Variants in DMAP1 observed in about 807,000 individuals in gnomAD.
DMAP1 encodes the protein DNA methyltransferase 1-associated protein 1.
Under a neutral mutation model 52.7 loss-of-function variants are expected in DMAP1, and 26 were observed. That is an observed-to-expected ratio of 0.49 (90% CI 0.36 to 0.68). The LOEUF (loss-of-function observed/expected upper bound fraction) is 0.68, where lower values mean the gene tolerates loss of function less well. Ranked by LOEUF, DMAP1 falls within the 30% of genes least tolerant of loss-of-function variation. The pLI, the probability that DMAP1 is intolerant of heterozygous loss-of-function variation, is 0.00. For missense variants in DMAP1, 439 were observed against 625.2 expected (o/e 0.70, Z 3.18); for synonymous variants, 231 against 246.0 (o/e 0.94, Z 0.57).
At position 44,218,290 on chromosome 1, in the gene DMAP1, T is replaced by C; in HGVS notation, c.394-21T>C. ...TGACATCATGCGGGCATGCCCCTAC[T>C]GTGTCCCTCTGTGCTAGTAGACTGT... On this transcript the variant is annotated intron_variant, in intron 3 of 9. Coordinates refer to ENST00000372289, the MANE Select transcript of DMAP1 (RefSeq NM_019100.5). The surrounding 1 kb of genome is among the most constrained non-coding windows in gnomAD (Gnocchi z 5.6). 1 of 1,614,246 alleles carries C rather than the reference T, an allele frequency of 6.2e-7. No individual in the cohort carries two copies. Among genetic ancestry groups the C allele is most frequent in the Non-Finnish European group, 8.5e-7 (1 of 1,180,034 alleles).
chr1:44,218,519 C>T lies in DMAP1; in HGVS notation c.552+50C>T, dbSNP rs755464308. The T allele has an allele frequency of 5.0e-6, 8 of 1,609,534 alleles. No individual in the cohort carries two copies. In the Admixed American group the frequency reaches 1.3e-4, roughly 27 times the overall value. The stretch of plus-strand genomic sequence containing the variant: ...GTGCCCAGCTTCTGGGTCTAGCAGG[C>T]CCTACTTTTATGCCATCTCTTCCAC... On this transcript the variant is annotated intron_variant, in intron 4 of 9. Coordinates refer to ENST00000372289, the MANE Select transcript of DMAP1 (RefSeq NM_019100.5). This position sits in a 1 kb window ranked among gnomAD's most constrained non-coding sequence, Gnocchi z 5.6.
At chr1:44,215,092 T>G in intron 3 of DMAP1, 194 bp downstream of exon 3, 1 of 716,360 alleles carries the variant, frequency 1.4e-6, no homozygotes, top group Non-Finnish European at 2.5e-6. Context: ...TCCTGTTCTT[T>G]CCCGGACCTG....
chr1:44,215,095 C>T (rs573121580), intron 3 of DMAP1, 197 bp downstream of exon 3: 30 of 710,684 alleles, frequency 4.2e-5, no homozygotes, highest in East Asian at 3.6e-4. Context: ...TGTTCTTTCC[C>T]GGACCTGCTC....
At position 44,219,493 on chromosome 1, in the gene DMAP1, C is replaced by T; in HGVS notation, c.978+16C>T. On this transcript the variant is annotated intron_variant, in intron 7 of 9. Transcript: ENST00000372289. ...GAGCCAACGGGTACGTGAGTCACCT[C>T]CTTTAGCAAGTTTGGGTCCTGGGCT... 1 of 1,557,162 alleles carries T rather than the reference C, an allele frequency of 6.4e-7. No individual in the cohort carries two copies. Among genetic ancestry groups the T allele is most frequent in the Non-Finnish European group, 8.6e-7 (1 of 1,157,540 alleles).
rs779841090 is a variant in DMAP1, at chr1:44,219,802, G to A, written c.979-4G>A. 3 of 1,613,954 alleles carry A rather than the reference G, an allele frequency of 1.9e-6. No individual in the cohort carries two copies. The Admixed American group carries it at 5.0e-5, about 27-fold the overall frequency. ...CAGGCTTAGCTTGCCAGCTTTCATT[G>A]CAGATGAAGCTGCCAAGCTCTGTGG... is the stretch of plus-strand genomic sequence containing the variant. On this transcript the variant is annotated splice_region_variant and splice_polypyrimidine_tract_variant and intron_variant, in intron 7 of 9. Coordinates refer to ENST00000372289, the MANE Select transcript of DMAP1 (RefSeq NM_019100.5).
intron 8 of DMAP1, 32 bp downstream of exon 8, chr1:44,219,910 A>T: frequency 6.2e-7 from 1 of 1,613,740 alleles, no homozygotes; most frequent in Non-Finnish European, 8.5e-7. Flanking sequence ...CATAGGGTGT[A>T]CCCACCCGAG....
chr1:44,218,574 G>C lies in DMAP1; in HGVS notation c.553-14G>C, dbSNP rs372465567. 1 of 1,608,958 alleles carries C rather than the reference G, an allele frequency of 6.2e-7. No individual in the cohort carries two copies. The highest frequency in any genetic ancestry group is 8.5e-7 in the Non-Finnish European group (1 of 1,176,028). On this transcript the variant is annotated splice_polypyrimidine_tract_variant and intron_variant, in intron 4 of 9. Transcript: ENST00000372289. The surrounding 1 kb of genome is among the most constrained non-coding windows in gnomAD (Gnocchi z 5.6). ...CCCTGAATGTTCATTCCTCTACCCT[G>C]TCTTGCTCCTCAGAAGCGTTCTGTG...
At chr1:44,219,030 A>G (rs1643851412) in intron 5 of DMAP1, 26 bp from the exon 6 acceptor site, 5 of 1,612,530 alleles carry the variant, frequency 3.1e-6, no homozygotes, top group East Asian at 4.5e-5. Context: ...GTGCCCTCAC[A>G]CACTTCGCAT....
Position 44,214,456 on chromosome 1 carries a change from C to A in DMAP1, c.197+15C>A. 6.2e-7 allele frequency: 1 copy of A among 1,613,916 alleles called. No homozygotes were observed. The highest frequency in any genetic ancestry group is 1.7e-5 in the Admixed American group (1 of 60,008). On this transcript the variant is annotated intron_variant, in intron 2 of 9. Transcript: ENST00000372289. ...TCTGACAAGAAGCAAGTATTGGAGTCCCAAGTCCCCCAGGTTTTGGCCCCT... is the reference window on the plus strand; with the variant it reads ...TCTGACAAGAAGCAAGTATTGGAGTACCAAGTCCCCCAGGTTTTGGCCCCT...
At chr1:44,220,463 T>A in intron 9 of DMAP1, 96 bp from the exon 10 acceptor site, 1 of 1,605,452 alleles carries the variant, frequency 6.2e-7, no homozygotes, top group Middle Eastern at 1.7e-4. Flanking sequence ...GGTTGACCAG[T>A]GGGCGTCCTT....
chr1:44,214,916 G>A lies in DMAP1; in HGVS notation c.393+18G>A, dbSNP rs766587279. 1.2e-6 allele frequency: 2 copies of A among 1,613,826 alleles called. No individual in the cohort carries two copies. Among genetic ancestry groups the A allele is most frequent in the Non-Finnish European group, 1.7e-6 (2 of 1,179,926 alleles). On this transcript the variant is annotated intron_variant, in intron 3 of 9. Coordinates refer to ENST00000372289, the MANE Select transcript of DMAP1 (RefSeq NM_019100.5). ...TCAATAAGGTAAGCTACCTTCATTC[G>A]GACACAGGCCAAGATTGCCCTCCCA...
chr1:44,213,488 A>G lies in DMAP1; in HGVS notation c.-266A>G. 1 of 405,258 alleles carries G rather than the reference A, an allele frequency of 2.5e-6. No homozygotes were observed. Among genetic ancestry groups the G allele is most frequent in the South Asian group, 3.6e-5 (1 of 28,014 alleles). 25.1% of individuals were successfully genotyped at this position (405,258 alleles called of 1,614,324 possible). A position where few individuals can be genotyped will look rare whatever the true frequency, so the allele number is the denominator to read the frequency against. Reference sequence around the variant, plus strand: ...AAGTTTCTGCCGCGGCTTTGCGGGGACGGGGGAGTGGTAGTGGGGGCTGCA... The same window carrying G: ...AAGTTTCTGCCGCGGCTTTGCGGGGGCGGGGGAGTGGTAGTGGGGGCTGCA... On this transcript the variant is annotated 5_prime_UTR_variant, in exon 1 of 10. Coordinates refer to ENST00000372289, the MANE Select transcript of DMAP1 (RefSeq NM_019100.5). This position sits in a 1 kb window ranked among gnomAD's most constrained non-coding sequence, Gnocchi z 4.5.
chr1:44,219,710 C>T, intron 7 of DMAP1, 96 bp from the exon 8 acceptor site: 23 of 1,447,380 alleles, frequency 1.6e-5, no homozygotes, highest in South Asian at 1.2e-4. Context: ...CATGTGTTAC[C>T]GTCTCTCTTC....
At chr1:44,216,071 C>CT (rs1643786747) in intron 3 of DMAP1, 1 of 152,176 alleles carries the variant, frequency 6.6e-6, no homozygotes, top group Admixed American at 6.5e-5. Context: ...GCAGTATGAG[C>CT]TTTGAGAGGC....
chr1:44,220,003 C>T lies in DMAP1; in HGVS notation c.1052-14C>T. 6.3e-7 allele frequency: 1 copy of T among 1,597,164 alleles called. No individual in the cohort carries two copies. ...ACCTGGGCTCTGCCCGTGCTGCCTG[C>T]CGCCTGCCTGCAGAGCTGAGCCCGA... On this transcript the variant is annotated splice_polypyrimidine_tract_variant and intron_variant, in intron 8 of 9. Transcript: ENST00000372289.
At chr1:44,215,281 A>G (rs1435136719) in intron 3 of DMAP1, 1 of 461,356 alleles carries the variant, frequency 2.2e-6, no homozygotes, top group Non-Finnish European at 4.3e-6. Context: ...TCATTTACTA[A>G]TATCTCTTTC....
rs1041096965 is a variant in DMAP1, at chr1:44,218,833, C to G, written c.720+78C>G. ...GTCTCCATCCTCCATCCCCTCAACT[C>G]CCACTCCCAGGTCCCCCTGCCTCCC... On this transcript the variant is annotated intron_variant, in intron 5 of 9. Coordinates refer to ENST00000372289, the MANE Select transcript of DMAP1 (RefSeq NM_019100.5). The surrounding 1 kb of genome is among the most constrained non-coding windows in gnomAD (Gnocchi z 5.6). The G allele has an allele frequency of 2.3e-5, 35 of 1,530,826 alleles. No homozygotes were observed. The African/African-American group carries it at 4.8e-4, about 21-fold the overall frequency. 94.8% of individuals were successfully genotyped at this position (1,530,826 alleles called of 1,614,324 possible). A position where few individuals can be genotyped will look rare whatever the true frequency, so the allele number is the denominator to read the frequency against.
chr1:44,215,936 AG>A (rs1314045346), intron 3 of DMAP1: 3 of 152,846 alleles, frequency 2.0e-5, no homozygotes, highest in Non-Finnish European at 4.4e-5. Context: ...GGAATAGCCT[AG>A]ACTTAGATCC....
At position 44,215,267 on chromosome 1, in the gene DMAP1, CCA is replaced by C. The variant is rs1227192832; in HGVS notation, c.393+370_393+371del. ...ATCCAGAGCAGTGCTTCCTTCGCAT[CCA>C]GTCATTTACTAATATCTCTTTCTCA... On this transcript the variant is annotated intron_variant, in intron 3 of 9. Transcript: ENST00000372289. 1.1e-5 allele frequency: 5 copies of C among 467,550 alleles called. No individual in the cohort carries two copies. The Admixed American group carries it at 1.2e-4, about 11-fold the overall frequency. 29.0% of individuals were successfully genotyped at this position (467,550 alleles called of 1,614,324 possible). A position where few individuals can be genotyped will look rare whatever the true frequency, so the allele number is the denominator to read the frequency against.
Sources: gnomAD v4.1 joint callset for allele counts on GRCh38, gnomAD v4.1.1 for gene constraint, Gnocchi (gnomAD v3.1) non-coding constraint, MANE v1.5 for transcripts, NCBI Gene and HGNC (gene_info 2026-07-23, HGNC 2026-07-21) for gene names.